The following CNR2 variants were observed in gnomAD, a reference collection of about 807,000 sequenced individuals.
CNR2 encodes cannabinoid receptor 2 (macrophage).
For synonymous variants in CNR2, 172 were observed against 182.2 expected, an observed-to-expected ratio of 0.94 and a Z score of 0.45; for missense variants, 379 against 439.9, an observed-to-expected ratio of 0.86 and a Z score of 1.24.
intron 1 of CNR2, among the ~76,000 whole-genome samples, chr1:23,890,051 T>C (rs2502957): frequency 0.85 from 128,526 of 151,880 alleles, 54,475 homozygotes; most frequent in Admixed American, 0.86. Context: ...AGGTGGATTA[T>C]TTGAGCCCAG....
chr1:23,901,450 GCTGCAGCCTC>G (rs1640397449), intron 1 of CNR2: 17 of 1,532,020 alleles, frequency 1.1e-5, no homozygotes, highest in Non-Finnish European at 1.4e-5. Context: ...TCGCCGACCT[GCTGCAGCCTC>G]CCCGGGCACC....
intron 1 of CNR2, among the ~76,000 whole-genome samples, chr1:23,891,452 C>A (rs1432420424): frequency 6.6e-6 from 1 of 151,868 alleles, no homozygotes; most frequent in Non-Finnish European, 1.5e-5. Flanking sequence ...AACCCCACCT[C>A]TACTAAAAAT....
rs185994328 is a variant in CNR2 at position 23,881,782 on chromosome 1, C to T, written c.-45-6120G>A. 1.4e-3 allele frequency among the ~76,000 whole-genome samples: 206 copies of T among 150,678 alleles called. 2 individuals are homozygous for T. Among genetic ancestry groups the T allele is most frequent in the African/African-American group, 4.9e-3 (202 of 41,042 alleles). On this transcript the variant is annotated intron_variant, in intron 1 of 1. Transcript: ENST00000374472. ...GTGCCTGCCTGTGATTCCAGCTAGT[C>T]GGGAGGCTGAGGCAGGAGAATCGCT...
At position 23,877,635 on chromosome 1, in the gene CNR2, C is replaced by T. The variant is rs1639909466; in HGVS notation, c.-45-1973G>A. Among the ~76,000 whole-genome samples, 3 of 149,894 alleles carry T rather than the reference C, an allele frequency of 2.0e-5. No homozygotes were observed. In the South Asian group the frequency reaches 6.3e-4, roughly 32 times the overall value. On this transcript the variant is annotated intron_variant, in intron 1 of 1. Coordinates refer to ENST00000374472, the MANE Select transcript of CNR2 (RefSeq NM_001841.3). Reference sequence around the variant, plus strand: ...CCAGCCTGGGCAACAGAGCAAGACTCCATCTCAAAAAAAATAAAAAGAAAA... The same window carrying T: ...CCAGCCTGGGCAACAGAGCAAGACTTCATCTCAAAAAAAATAAAAAGAAAA...
At position 23,913,179 on chromosome 1, in the gene CNR2, A is replaced by C. The variant is rs548206636; in HGVS notation, c.-46+67T>G. 3 of 174,038 alleles carry C rather than the reference A, an allele frequency of 1.7e-5. No individual in the cohort carries two copies. In the South Asian group the frequency reaches 4.0e-4, roughly 23 times the overall value. 10.8% of individuals were successfully genotyped at this position (174,038 alleles called of 1,614,324 possible). On this transcript the variant is annotated intron_variant, in intron 1 of 1. Transcript: ENST00000374472. ...CCGTCTCAAAAACAAACAAACAAAC[A>C]AAAAAGAATACAGGTGTTGGGGAAT...
intron 1 of CNR2, among the ~76,000 whole-genome samples, chr1:23,876,631 C>G (rs541584831): frequency 7.3e-5 from 11 of 151,704 alleles, no homozygotes; most frequent in Admixed American, 3.3e-4. Flanking sequence ...GTCAGGAGAT[C>G]GAGAACATCC....
rs181958993 is a variant in CNR2 at position 23,910,515 on chromosome 1, G to A, written c.-46+2731C>T. Among the ~76,000 whole-genome samples, 551 of 151,660 alleles carry A rather than the reference G, an allele frequency of 3.6e-3. 1 individual carries two copies. The highest frequency in any genetic ancestry group is 5.5e-3 in the Non-Finnish European group (376 of 67,828). On this transcript the variant is annotated intron_variant, in intron 1 of 1. Coordinates refer to ENST00000374472, the MANE Select transcript of CNR2 (RefSeq NM_001841.3). ...ACTAAAAATACAAAATTAGCCGGGCGTGGTGGTGCATGCCTGTCATCCCAG... is the reference window on the plus strand; with the variant it reads ...ACTAAAAATACAAAATTAGCCGGGCATGGTGGTGCATGCCTGTCATCCCAG...
At chr1:23,889,961 T>G (rs1162228469) in intron 1 of CNR2, among the ~76,000 whole-genome samples, 1 of 152,020 alleles carries the variant, frequency 6.6e-6, no homozygotes, top group Non-Finnish European at 1.5e-5. Flanking sequence ...TTAATAGAGT[T>G]AGTTTATAGT....
intron 1 of CNR2, chr1:23,902,357 G>A: frequency 6.3e-7 from 1 of 1,581,066 alleles, no homozygotes; most frequent in Non-Finnish European, 8.6e-7. Context: ...GCCGGCTCTG[G>A]GACAGCAGGA....
At chr1:23,902,542 C>A (rs6672272) in intron 1 of CNR2, 1,604,180 of 1,608,818 alleles carry the variant, frequency 1, 799,870 homozygotes, top group East Asian at 1. Flanking sequence ...GCGGGCTCCA[C>A]GTCTGGAATG....
chr1:23,912,195 A>G lies in CNR2; in HGVS notation c.-46+1051T>C, dbSNP rs181285605. On this transcript the variant is annotated intron_variant, in intron 1 of 1. Coordinates refer to ENST00000374472, the MANE Select transcript of CNR2 (RefSeq NM_001841.3). ...GTGATTTGCATTAGGCCATCGAGCT[A>G]CCAGTGGCAGAGCTGGGATTCAGAC... Among the ~76,000 whole-genome samples, 3 of 152,318 alleles carry G rather than the reference A, an allele frequency of 2.0e-5. No individual in the cohort carries two copies. The East Asian group carries it at 5.8e-4, about 29-fold the overall frequency.
chr1:23,895,865 C>G (rs543775218), intron 1 of CNR2, among the ~76,000 whole-genome samples: 193 of 152,198 alleles, frequency 1.3e-3, no homozygotes, highest in African/African-American at 4.5e-3. Context: ...GAATGCATGA[C>G]TCTGCATAGG....
chr1:23,899,737 C>G (rs1640351353), intron 1 of CNR2, among the ~76,000 whole-genome samples: 1 of 141,230 alleles, frequency 7.1e-6, no homozygotes, highest in African/African-American at 2.7e-5. Flanking sequence ...TCACTTGAAC[C>G]TGGAAGGTGG....
intron 1 of CNR2, among the ~76,000 whole-genome samples, chr1:23,882,587 C>T (rs1287834890): frequency 6.7e-6 from 1 of 148,876 alleles, no homozygotes. Flanking sequence ...GGGTGGATCA[C>T]CTGAGGTCAG....
At chr1:23,889,085 A>G (rs999368588) in intron 1 of CNR2, among the ~76,000 whole-genome samples, 14 of 152,178 alleles carry the variant, frequency 9.2e-5, no homozygotes, top group African/African-American at 3.4e-4. Context: ...CACTTCACAT[A>G]GGGAGCGTCC....
At chr1:23,898,678 A>G (rs1285802693) in intron 1 of CNR2, among the ~76,000 whole-genome samples, 4 of 88,918 alleles carry the variant, frequency 4.5e-5, no homozygotes. Flanking sequence ...TTTGAGACAA[A>G]GTCTCACTCT....
At chr1:23,912,588 T>G (rs2501415) in intron 1 of CNR2, among the ~76,000 whole-genome samples, 145,374 of 152,340 alleles carry the variant, frequency 0.95, 69,700 homozygotes, top group East Asian at 1. Flanking sequence ...CAGTGATAGC[T>G]CCTACTGCAT....
At chr1:23,902,023 G>T in intron 1 of CNR2, 1 of 1,600,364 alleles carries the variant, frequency 6.2e-7, no homozygotes, top group Admixed American at 1.7e-5. Context: ...CCAGAGTCAG[G>T]ATGTCTGGAT....
At chr1:23,898,370 CTTG>C (rs1640325387) in intron 1 of CNR2, among the ~76,000 whole-genome samples, 1 of 101,692 alleles carries the variant, frequency 9.8e-6, no homozygotes, top group Non-Finnish European at 1.9e-5. Flanking sequence ...GAGATGGAGT[CTTG>C]TTCTGTTGCC....
Sources: gnomAD v4.1 joint callset for allele counts (sites outside exome capture counted in the v4.1 genomes callset) on GRCh38, gnomAD v4.1.1 for gene constraint, MANE v1.5 for transcripts, NCBI Gene and HGNC (gene_info 2026-07-23, HGNC 2026-07-21) for gene names.